ATF6: variants seen among roughly 807,000 people sequenced by gnomAD.
The protein encoded by ATF6 is activating transcription factor 6, also known as cyclic AMP-dependent transcription factor ATF-6 alpha.
Under a neutral mutation model 83.6 loss-of-function variants are expected in ATF6, and 53 were observed. That is an observed-to-expected ratio of 0.63 (90% CI 0.51 to 0.80). The LOEUF (loss-of-function observed/expected upper bound fraction) is 0.80. ATF6 is among the 30% of genes least tolerant of loss of function. The probability of loss-of-function intolerance (pLI) is 0.00; values close to 1 mark genes in which losing one functional copy is unlikely to be tolerated. For synonymous variants in ATF6, 288 were observed against 285.8 expected (o/e 1.01, Z -0.08); for missense variants, 744 against 797.9 (o/e 0.93, Z 0.81).
At chr1:161,810,194 A>C (rs1008967440) in intron 7 of ATF6, among the ~76,000 whole-genome samples, 1 of 152,212 alleles carries the variant, frequency 6.6e-6, no homozygotes, top group Non-Finnish European at 1.5e-5. Context: ...TGATTTATAA[A>C]GAAAAGAGGT....
intron 14 of ATF6, among the ~76,000 whole-genome samples, chr1:161,905,063 T>C (rs749443355): frequency 6.6e-6 from 1 of 152,138 alleles, no homozygotes; most frequent in Non-Finnish European, 1.5e-5. Context: ...AGATCTGGAG[T>C]GAAGGCTGGA....
intron 8 of ATF6, among the ~76,000 whole-genome samples, chr1:161,820,645 G>C (rs574630957): frequency 4.6e-5 from 7 of 152,112 alleles, no homozygotes; most frequent in Non-Finnish European, 8.8e-5. Flanking sequence ...CTACTCGGGA[G>C]GCTGAGGCAG....
At chr1:161,780,171 A>G (rs1684602294) in intron 2 of ATF6, among the ~76,000 whole-genome samples, 1 of 151,958 alleles carries the variant, frequency 6.6e-6, no homozygotes, top group Non-Finnish European at 1.5e-5. Context: ...CTCTTTATGT[A>G]CCTTGTACTA....
intron 1 of ATF6, among the ~76,000 whole-genome samples, chr1:161,775,343 A>G (rs1274105775): frequency 6.6e-6 from 1 of 151,932 alleles, no homozygotes; most frequent in African/African-American, 2.4e-5. Context: ...TTCTTATTAA[A>G]CCTCTAACCA....
intron 14 of ATF6, among the ~76,000 whole-genome samples, chr1:161,902,861 G>A (rs1687814743): frequency 6.6e-6 from 1 of 152,158 alleles, no homozygotes; most frequent in Admixed American, 6.5e-5. Context: ...GTGGGAATGT[G>A]TGTGTACAAT....
intron 15 of ATF6, among the ~76,000 whole-genome samples, chr1:161,914,530 C>A (rs1688051952): frequency 6.6e-6 from 1 of 152,136 alleles, no homozygotes; most frequent in African/African-American, 2.4e-5. Context: ...ATCTTTTATT[C>A]CGCGCCACCT....
At chr1:161,817,090 G>C (rs918308367) in intron 7 of ATF6, among the ~76,000 whole-genome samples, 1 of 152,132 alleles carries the variant, frequency 6.6e-6, no homozygotes, top group African/African-American at 2.4e-5. Context: ...GACCACAGAT[G>C]GTTTTCATTT....
intron 6 of ATF6, among the ~76,000 whole-genome samples, chr1:161,792,969 A>G (rs1408452715): frequency 6.6e-6 from 1 of 152,208 alleles, no homozygotes; most frequent in African/African-American, 2.4e-5. Flanking sequence ...TCTCTTAGGT[A>G]GATTAGTCAT....
chr1:161,940,559 C>CTTTTTTTTTT (rs71301060), intron 15 of ATF6, among the ~76,000 whole-genome samples: 19 of 118,422 alleles, frequency 1.6e-4, no homozygotes, highest in East Asian at 4.8e-4. Flanking sequence ...TCCTTCAGAT[C>CTTTTTTTTTT]TTTTTTTTTT....
At chr1:161,927,642 A>C (rs1306337813) in intron 15 of ATF6, among the ~76,000 whole-genome samples, 1 of 152,214 alleles carries the variant, frequency 6.6e-6, no homozygotes, top group African/African-American at 2.4e-5. Context: ...ATTACAACAC[A>C]TTAGTAAATA....
chr1:161,787,862 A>G (rs1161623901), intron 4 of ATF6, among the ~76,000 whole-genome samples: 1 of 152,236 alleles, frequency 6.6e-6, no homozygotes, highest in Non-Finnish European at 1.5e-5. Context: ...AAATTTATGT[A>G]AATGGCATTA....
chr1:161,832,721 A>G (rs575350661), intron 9 of ATF6, among the ~76,000 whole-genome samples: 25 of 152,336 alleles, frequency 1.6e-4, no homozygotes, highest in African/African-American at 5.8e-4. Flanking sequence ...GGCACCTGCC[A>G]TTGCCCAGGC....
At chr1:161,918,625 G>A (rs1235870925) in intron 15 of ATF6, among the ~76,000 whole-genome samples, 1 of 152,156 alleles carries the variant, frequency 6.6e-6, no homozygotes, top group Non-Finnish European at 1.5e-5. Context: ...ACATTGTGAG[G>A]CTATCCCTAA....
chr1:161,823,564 A>G lies in ATF6; in HGVS notation c.1187+2403A>G, dbSNP rs1331446838. ...CTTCAAATTCTTAATGTTGGGTTTT[A>G]TCTCACTGACTTCAGGCTTCTAAAA... On this transcript the variant is annotated intron_variant, in intron 9 of 15. Coordinates refer to ENST00000367942, the MANE Select transcript of ATF6 (RefSeq NM_007348.4). 2.6e-5 allele frequency among the ~76,000 whole-genome samples: 4 copies of G among 152,256 alleles called. No individual in the cohort carries two copies. The South Asian group carries it at 8.3e-4, about 32-fold the overall frequency.
At chr1:161,839,390 T>G (rs1686301530) in intron 9 of ATF6, among the ~76,000 whole-genome samples, 1 of 152,100 alleles carries the variant, frequency 6.6e-6, no homozygotes, top group Non-Finnish European at 1.5e-5. Flanking sequence ...TGAGGCAAGG[T>G]CTTGCCCTGT....
intron 13 of ATF6, among the ~76,000 whole-genome samples, chr1:161,860,713 A>G (rs1452733896): frequency 6.6e-6 from 1 of 152,098 alleles, no homozygotes; most frequent in African/African-American, 2.4e-5. Flanking sequence ...TATTTTATAT[A>G]TAGAAAAACT....
intron 14 of ATF6, among the ~76,000 whole-genome samples, chr1:161,873,765 A>G (rs1007082155): frequency 1.3e-5 from 2 of 151,562 alleles, no homozygotes; most frequent in African/African-American, 4.8e-5. Context: ...CTAAATAATA[A>G]TAAGTCTGTT....
At chr1:161,855,983 A>G (rs1452886894) in intron 12 of ATF6, among the ~76,000 whole-genome samples, 1 of 152,216 alleles carries the variant, frequency 6.6e-6, no homozygotes, top group Non-Finnish European at 1.5e-5. Context: ...ACATGGGAAT[A>G]GAGAAATGGA....
chr1:161,953,483 C>T (rs528385439), intron 15 of ATF6, among the ~76,000 whole-genome samples: 11 of 152,284 alleles, frequency 7.2e-5, no homozygotes, highest in Non-Finnish European at 1.2e-4. Context: ...CTATCTGAAT[C>T]CTCATTGCCC....
Sources: allele counts gnomAD v4.1 joint callset (sites outside exome capture counted in the v4.1 genomes callset), GRCh38; gene constraint gnomAD v4.1.1; transcripts MANE v1.5; gene names NCBI Gene and HGNC (gene_info 2026-07-23, HGNC 2026-07-21).